Variants in SORBS2 observed in about 807,000 individuals in gnomAD.
SORBS2 encodes sorbin and SH3 domain-containing protein 2.
A neutral mutation model predicts 97.7 loss-of-function variants in SORBS2; 46 were observed. That is an observed-to-expected ratio of 0.47 (90% CI 0.37 to 0.60). The LOEUF (loss-of-function observed/expected upper bound fraction) is 0.60, where lower values mean the gene tolerates loss of function less well. Among genes scored for constraint, SORBS2 ranks in the 20% least tolerant of loss-of-function variants. SORBS2 has a pLI of 0.00. For missense variants in SORBS2, 1,316 were observed against 1,282.3 expected (o/e 1.03, Z -0.40); for synonymous variants, 476 against 473.4 (o/e 1.01, Z -0.07).
intron 1 of SORBS2, among the ~76,000 whole-genome samples, chr4:185,892,031 C>G (rs1471264277): frequency 6.6e-6 from 1 of 152,162 alleles, no homozygotes; most frequent in Admixed American, 6.5e-5. Flanking sequence ...GAAGGGGTTT[C>G]ACCATCTTGG....
intron 4 of SORBS2, chr4:185,666,079 G>A (rs917418875): frequency 7.8e-7 from 1 of 1,289,852 alleles, no homozygotes; most frequent in Non-Finnish European, 1.0e-6. Context: ...ACTGCCTGGT[G>A]AGAAAGTGGC....
intron 1 of SORBS2, among the ~76,000 whole-genome samples, chr4:185,806,434 CTATTTTTTTTTTTTTTTTTTTT>C (rs2099154314): frequency 1.8e-5 from 2 of 108,150 alleles, no homozygotes; most frequent in East Asian, 2.9e-4. Flanking sequence ...GGCTAGAATC[CTATTTTTTTTTTTTTTTTTTTT>C]TTTTTTTTTT....
intron 2 of SORBS2, among the ~76,000 whole-genome samples, chr4:185,711,604 T>G (rs950473574): frequency 6.6e-6 from 1 of 152,188 alleles, no homozygotes; most frequent in Non-Finnish European, 1.5e-5. Context: ...CCTTCATCTT[T>G]TTGCATTATT....
intron 2 of SORBS2, among the ~76,000 whole-genome samples, chr4:185,685,620 C>A (rs527304242): frequency 6.6e-6 from 1 of 152,204 alleles, no homozygotes; most frequent in African/African-American, 2.4e-5. Context: ...CCATCTCAAC[C>A]TCCTGCGCTC....
intron 2 of SORBS2, among the ~76,000 whole-genome samples, chr4:185,696,378 A>G (rs2098175275): frequency 6.6e-6 from 1 of 152,290 alleles, no homozygotes; most frequent in Admixed American, 6.5e-5. Context: ...TGTTATTCCA[A>G]GGTCTCAAAG....
At chr4:185,929,919 T>A (rs1415480453) in intron 1 of SORBS2, among the ~76,000 whole-genome samples, 2 of 152,146 alleles carry the variant, frequency 1.3e-5, no homozygotes, top group African/African-American at 4.8e-5. Context: ...GGGATGAACT[T>A]GGGCAGTTTA....
At chr4:185,787,512 T>C (rs1561027373) in intron 1 of SORBS2, among the ~76,000 whole-genome samples, 1 of 152,256 alleles carries the variant, frequency 6.6e-6, no homozygotes, top group Non-Finnish European at 1.5e-5. Flanking sequence ...GCTATTTCTA[T>C]ATAGCCTCTC....
At chr4:185,946,214 C>T (rs370429724) in intron 1 of SORBS2, among the ~76,000 whole-genome samples, 11 of 151,850 alleles carry the variant, frequency 7.2e-5, no homozygotes, top group Admixed American at 4.6e-4. Flanking sequence ...GAAGGAAAAA[C>T]AAGAAGAAAA....
rs187282380 is a variant in SORBS2 at position 185,828,972 on chromosome 4, G to A, written c.-337-53606C>T. Among the ~76,000 whole-genome samples, 25 of 152,286 alleles carry A rather than the reference G, an allele frequency of 1.6e-4. No individual in the cohort carries two copies. The East Asian group carries it at 4.8e-3, about 29-fold the overall frequency. ...TATTGGTCCCATTGCTATGTTATGGGACAACACAGATCAGATTTAATCCAT... is the reference window on the plus strand; with the variant it reads ...TATTGGTCCCATTGCTATGTTATGGAACAACACAGATCAGATTTAATCCAT... On this transcript the variant is annotated intron_variant, in intron 1 of 20. Transcript: ENST00000284776.
chr4:185,669,299 C>T (rs565911568), intron 4 of SORBS2, among the ~76,000 whole-genome samples: 16 of 152,274 alleles, frequency 1.1e-4, no homozygotes, highest in Admixed American at 2.6e-4. Context: ...TGGCAGAATG[C>T]GGAAGTCATG....
intron 2 of SORBS2, among the ~76,000 whole-genome samples, chr4:185,725,521 G>T (rs1583482957): frequency 6.6e-6 from 1 of 152,114 alleles, no homozygotes; most frequent in East Asian, 1.9e-4. Flanking sequence ...CTATAAACTT[G>T]GGAGTAACGA....
chr4:185,919,139 C>T (rs2099259769), intron 1 of SORBS2, among the ~76,000 whole-genome samples: 1 of 152,114 alleles, frequency 6.6e-6, no homozygotes, highest in South Asian at 2.1e-4. Context: ...GTCAAGTTTC[C>T]TCTTTTATGA....
intron 1 of SORBS2, among the ~76,000 whole-genome samples, chr4:185,796,353 G>A (rs2099104488): frequency 1.3e-5 from 2 of 152,184 alleles, no homozygotes; most frequent in African/African-American, 2.4e-5. Flanking sequence ...CTGCTTGCTC[G>A]ATTTTACTCA....
At chr4:185,627,163 G>T in intron 5 of SORBS2, 144 bp from the exon 18 acceptor site, 1 of 642,700 alleles carries the variant, frequency 1.6e-6, no homozygotes, top group Non-Finnish European at 2.7e-6. Context: ...CTCATCCCTT[G>T]ATGTTCAACA....
At chr4:185,749,274 C>T (rs1382544390) in intron 2 of SORBS2, among the ~76,000 whole-genome samples, 2 of 152,124 alleles carry the variant, frequency 1.3e-5, no homozygotes, top group African/African-American at 4.8e-5. Context: ...CTGATGATGG[C>T]CTGAGGTTGT....
chr4:185,868,363 A>G (rs899269912), intron 1 of SORBS2, among the ~76,000 whole-genome samples: 7 of 151,382 alleles, frequency 4.6e-5, no homozygotes, highest in East Asian at 1.9e-4. Flanking sequence ...TCACTATGTT[A>G]GCCAGGATGG....
intron 2 of SORBS2, among the ~76,000 whole-genome samples, chr4:185,764,742 C>A (rs912102681): frequency 6.6e-6 from 1 of 152,026 alleles, no homozygotes; most frequent in African/African-American, 2.4e-5. Context: ...TAATGCAGGT[C>A]TTTATTGAGT....
At chr4:185,637,313 G>T (rs1581516882) in intron 4 of SORBS2, among the ~76,000 whole-genome samples, 2 of 152,332 alleles carry the variant, frequency 1.3e-5, no homozygotes, top group South Asian at 4.1e-4. Context: ...GTACAGGTTT[G>T]TAGCCCAGGA....
chr4:185,625,516 G>A (rs1246260317), intron 6 of SORBS2, among the ~76,000 whole-genome samples: 3 of 152,202 alleles, frequency 2.0e-5, no homozygotes, highest in Non-Finnish European at 4.4e-5. Context: ...GATCTGTACT[G>A]TCTGGGAAAG....
Sources: allele counts gnomAD v4.1 joint callset (sites outside exome capture counted in the v4.1 genomes callset), GRCh38; gene constraint gnomAD v4.1.1; transcripts MANE v1.5; gene names NCBI Gene and HGNC (gene_info 2026-07-23, HGNC 2026-07-21).